NOL10: variants seen among roughly 807,000 people sequenced by gnomAD.
The protein encoded by NOL10 is nucleolar protein 10.
A neutral mutation model predicts 103.5 loss-of-function variants in NOL10; 58 were observed. That is an observed-to-expected ratio of 0.56 (90% CI 0.45 to 0.70). The LOEUF (loss-of-function observed/expected upper bound fraction) is 0.70. NOL10 is among the 30% of genes least tolerant of loss of function. The probability of loss-of-function intolerance (pLI) is 0.00; values close to 1 mark genes in which losing one functional copy is unlikely to be tolerated. For missense variants in NOL10, 763 were observed against 807.3 expected (o/e 0.95, Z 0.67); for synonymous variants, 287 against 282.5 (o/e 1.02, Z -0.16).
At chr2:10,572,713 G>A (rs2148133309) in intron 20 of NOL10, among the ~76,000 whole-genome samples, 1 of 152,316 alleles carries the variant, frequency 6.6e-6, no homozygotes, top group East Asian at 1.9e-4. Context: ...TTGCTCCAAA[G>A]AATTTTTAGC....
chr2:10,615,839 C>T (rs1447179895), intron 13 of NOL10, among the ~76,000 whole-genome samples: 1 of 152,092 alleles, frequency 6.6e-6, no homozygotes, highest in Non-Finnish European at 1.5e-5. Context: ...CCCCACCATG[C>T]CTAAAGAGAC....
At chr2:10,684,861 T>C (rs1409507928) in intron 1 of NOL10, among the ~76,000 whole-genome samples, 1 of 152,220 alleles carries the variant, frequency 6.6e-6, no homozygotes, top group African/African-American at 2.4e-5. Context: ...AGACAGGGTC[T>C]CATGCTTGCC....
At chr2:10,689,257 G>A (rs1025242628) in intron 1 of NOL10, among the ~76,000 whole-genome samples, 6 of 152,160 alleles carry the variant, frequency 3.9e-5, no homozygotes, top group African/African-American at 1.4e-4. Context: ...TTACCGACTT[G>A]TCCAAGCCCT....
At chr2:10,688,538 A>G (rs1027834694) in intron 1 of NOL10, among the ~76,000 whole-genome samples, 3 of 152,204 alleles carry the variant, frequency 2.0e-5, no homozygotes, top group East Asian at 1.9e-4. Context: ...GTTTCTGCTC[A>G]TATGTCACCT....
chr2:10,683,913 A>G (rs1681960104), intron 2 of NOL10, among the ~76,000 whole-genome samples: 2 of 152,148 alleles, frequency 1.3e-5, no homozygotes, highest in African/African-American at 4.8e-5. Flanking sequence ...AGGCTAACTT[A>G]TTAGTTAATA....
At chr2:10,687,425 C>T (rs1466424735) in intron 1 of NOL10, among the ~76,000 whole-genome samples, 1 of 152,194 alleles carries the variant, frequency 6.6e-6, no homozygotes, top group African/African-American at 2.4e-5. Flanking sequence ...TCCATCAGTG[C>T]CCACTACTCT....
At chr2:10,620,148 G>A (rs1407948406) in intron 13 of NOL10, among the ~76,000 whole-genome samples, 6 of 152,108 alleles carry the variant, frequency 3.9e-5, no homozygotes, top group Admixed American at 3.9e-4. Context: ...CAGATGGTTT[G>A]GTGTGTTATC....
chr2:10,625,805 A>G (rs1319451098), intron 13 of NOL10, among the ~76,000 whole-genome samples: 1 of 152,048 alleles, frequency 6.6e-6, no homozygotes, highest in Non-Finnish European at 1.5e-5. Context: ...ATTTCTCTCT[A>G]CTTTTATGTC....
chr2:10,654,420 C>G lies in NOL10; in HGVS notation c.973+61G>C, dbSNP rs375428768. On this transcript the variant is annotated intron_variant, in intron 12 of 20. Coordinates refer to ENST00000381685, the MANE Select transcript of NOL10 (RefSeq NM_024894.4). ...TAGCCTTTTTATTTGTCTCACTGAA[C>G]GTTCACTACAGAATGCATCTTTTTA... is the stretch of plus-strand genomic sequence containing the variant. 14 of 1,130,358 alleles carry G rather than the reference C, an allele frequency of 1.2e-5. No homozygotes were observed. The African/African-American group carries it at 2.3e-4, about 18-fold the overall frequency. The allele number at this position is 1,130,358 out of a possible 1,614,324, so 70.0% of individuals were successfully genotyped here.
chr2:10,674,118 G>A (rs2110775), intron 4 of NOL10, among the ~76,000 whole-genome samples: 34,183 of 151,458 alleles, frequency 0.23, 4,119 homozygotes, highest in South Asian at 0.47. Flanking sequence ...TTTGGGAGGC[G>A]GAGGTAGGAG....
In NOL10 at chr2:10,587,088, CATATATATACACATATATAT is replaced by C. The variant is rs1558270110; in HGVS notation, c.1844+1935_1844+1954del. ...ATATACATATATATACATATATATA[CATATATATACACATATATAT>C]ACATATATATACATATATATACATA... On this transcript the variant is annotated intron_variant, in intron 19 of 20. Coordinates refer to ENST00000381685, the MANE Select transcript of NOL10 (RefSeq NM_024894.4). Among the ~76,000 whole-genome samples, 3 of 32,432 alleles carry C rather than the reference CATATATATACACATATATAT, an allele frequency of 9.3e-5. 1 individual carries two copies. In the South Asian group the frequency reaches 1.7e-3, roughly 19 times the overall value. 21.3% of individuals were successfully genotyped at this position (32,432 alleles called of 152,430 possible).
chr2:10,626,409 G>C (rs1240303599), intron 13 of NOL10, among the ~76,000 whole-genome samples: 6 of 152,146 alleles, frequency 3.9e-5, no homozygotes, highest in African/African-American at 1.4e-4. Flanking sequence ...TCAAAGTAGA[G>C]ATGGTGTAAG....
At position 10,571,162 on chromosome 2, in the gene NOL10, G is replaced by A. The variant is rs773141233; in HGVS notation, c.*909C>T. ...TCTTCGGTGTTGGAGGAGGGGCCTG[G>A]AGGGAGGTGACTGAAACATGGGGGC... On this transcript the variant is annotated 3_prime_UTR_variant, in exon 21 of 21. Transcript: ENST00000381685. 7.9e-5 allele frequency: 12 copies of A among 152,186 alleles called. No homozygotes were observed. Among genetic ancestry groups the A allele is most frequent in the African/African-American group, 1.2e-4 (5 of 41,448 alleles). The allele number at this position is 152,186 out of a possible 1,614,324, so 9.4% of individuals were successfully genotyped here.
At chr2:10,670,768 A>C (rs975770447) in intron 6 of NOL10, among the ~76,000 whole-genome samples, 5 of 152,124 alleles carry the variant, frequency 3.3e-5, no homozygotes, top group African/African-American at 4.8e-5. Flanking sequence ...AACAAAAAAA[A>C]CAGAAAAAAC....
chr2:10,607,750 T>TTTATTATTATTA (rs373298093), intron 13 of NOL10, among the ~76,000 whole-genome samples: 12,533 of 144,660 alleles, frequency 0.087, 677 homozygotes, highest in Admixed American at 0.15. Flanking sequence ...AAAAACAATA[T>TTTATTATTATTA]TTATTATTAT....
chr2:10,632,492 G>C (rs1225139483), intron 13 of NOL10, among the ~76,000 whole-genome samples: 1 of 152,194 alleles, frequency 6.6e-6, no homozygotes, highest in African/African-American at 2.4e-5. Context: ...CACCCTGCAA[G>C]ATCATCTGAT....
intron 13 of NOL10, among the ~76,000 whole-genome samples, chr2:10,633,169 C>A (rs930032230): frequency 1.3e-5 from 2 of 151,990 alleles, no homozygotes; most frequent in South Asian, 4.1e-4. Context: ...CCTTGGCTCG[C>A]GGGGTGAATC....
chr2:10,628,076 A>T (rs1677596548), intron 13 of NOL10, among the ~76,000 whole-genome samples: 1 of 152,050 alleles, frequency 6.6e-6, no homozygotes, highest in Admixed American at 6.6e-5. Context: ...CACACCCTCA[A>T]ACAATGAAAA....
intron 3 of NOL10, among the ~76,000 whole-genome samples, chr2:10,677,064 A>C (rs1681357192): frequency 6.7e-6 from 1 of 149,714 alleles, no homozygotes; most frequent in South Asian, 2.1e-4. Flanking sequence ...TCAGCCTCCC[A>C]AGTAGCTGGG....
Sources: allele counts gnomAD v4.1 joint callset (sites outside exome capture counted in the v4.1 genomes callset), GRCh38; gene constraint gnomAD v4.1.1; transcripts MANE v1.5; gene names NCBI Gene and HGNC (gene_info 2026-07-23, HGNC 2026-07-21).